SNTG1: variants seen among roughly 807,000 people sequenced by gnomAD.
SNTG1 encodes the protein gamma-1-syntrophin.
SNTG1 carries 39 observed loss-of-function variants against 74.7 expected under a neutral mutation model. That is an observed-to-expected ratio of 0.52 (90% CI 0.40 to 0.68). The LOEUF (loss-of-function observed/expected upper bound fraction) is 0.68, where lower values mean the gene tolerates loss of function less well. SNTG1 is among the 30% of genes least tolerant of loss of function. The pLI is 0.00. For synonymous variants in SNTG1, 254 were observed against 217.1 expected, an observed-to-expected ratio of 1.17 and a Z score of -1.49; for missense variants, 685 against 609.5, an observed-to-expected ratio of 1.12 and a Z score of -1.30.
upstream of SNTG1, among the ~76,000 whole-genome samples, chr8:49,910,463 A>G (rs1308949625): frequency 6.6e-6 from 1 of 152,158 alleles, no homozygotes; most frequent in Non-Finnish European, 1.5e-5. Context: ...TTTACTCCAC[A>G]TAGTTTCAAA....
intron 12 of SNTG1, among the ~76,000 whole-genome samples, chr8:50,557,208 T>A (rs1346500834): frequency 4.2e-5 from 5 of 119,590 alleles, no homozygotes; most frequent in African/African-American, 6.6e-5. Context: ...GGTTGGAGAG[T>A]AGGGGAGAAA....
intron 2 of SNTG1, among the ~76,000 whole-genome samples, chr8:50,305,963 T>C (rs1289512274): frequency 6.6e-6 from 1 of 151,876 alleles, no homozygotes; most frequent in Non-Finnish European, 1.5e-5. Flanking sequence ...GTTACATGGA[T>C]AAATTTTGTA....
At chr8:50,202,201 T>A (rs531697834) in intron 2 of SNTG1, among the ~76,000 whole-genome samples, 3 of 152,268 alleles carry the variant, frequency 2.0e-5, no homozygotes, top group East Asian at 1.9e-4. Context: ...CTCCTTTTTT[T>A]AAATTTGCAT....
intron 18 of SNTG1, among the ~76,000 whole-genome samples, chr8:50,773,498 A>G (rs186305521): frequency 2.0e-5 from 3 of 152,122 alleles, no homozygotes; most frequent in Non-Finnish European, 1.5e-5. Context: ...AAGTTGTAAG[A>G]CTTTGCTTCT....
At chr8:49,917,818 G>A (rs1481879792) in intron 1 of SNTG1, among the ~76,000 whole-genome samples, 4 of 152,122 alleles carry the variant, frequency 2.6e-5, no homozygotes, top group African/African-American at 7.2e-5. Flanking sequence ...CATGTAAGGA[G>A]GGAGGCTAGC....
intron 4 of SNTG1, among the ~76,000 whole-genome samples, chr8:50,427,580 C>A (rs1309695239): frequency 6.6e-6 from 1 of 152,084 alleles, no homozygotes; most frequent in Non-Finnish European, 1.5e-5. Context: ...TGCATACCAC[C>A]ATGCTTAGCT....
intron 2 of SNTG1, among the ~76,000 whole-genome samples, chr8:50,252,376 A>C (rs760523816): frequency 3.0e-4 from 46 of 152,166 alleles, no homozygotes; most frequent in Non-Finnish European, 5.9e-4. Flanking sequence ...TAAATAAACA[A>C]AATAGAGACT....
intron 1 of SNTG1, among the ~76,000 whole-genome samples, chr8:50,015,804 T>A (rs1050246156): frequency 1.3e-5 from 2 of 152,180 alleles, no homozygotes; most frequent in Non-Finnish European, 2.9e-5. Context: ...TGGAATTTGA[T>A]GAACTCTTGG....
intron 1 of SNTG1, among the ~76,000 whole-genome samples, chr8:49,967,546 A>C (rs1412450851): frequency 6.6e-6 from 1 of 151,742 alleles, no homozygotes; most frequent in Non-Finnish European, 1.5e-5. Flanking sequence ...TTATTAATTT[A>C]TTATAATATA....
intron 1 of SNTG1, among the ~76,000 whole-genome samples, chr8:50,038,563 C>A (rs749342013): frequency 5.3e-5 from 8 of 152,114 alleles, no homozygotes; most frequent in Non-Finnish European, 8.8e-5. Flanking sequence ...TGATTTAGAT[C>A]ATTTTTCTTT....
intron 4 of SNTG1, among the ~76,000 whole-genome samples, chr8:50,436,802 A>T (rs930596749): frequency 1.3e-5 from 2 of 152,196 alleles, no homozygotes; most frequent in African/African-American, 2.4e-5. Flanking sequence ...AGTTTATTTT[A>T]AATTATTAAT....
intron 13 of SNTG1, among the ~76,000 whole-genome samples, chr8:50,604,293 C>A (rs2130947434): frequency 6.6e-6 from 1 of 152,198 alleles, no homozygotes; most frequent in Admixed American, 6.5e-5. Flanking sequence ...TGGCACATGC[C>A]TGTAGTCCCA....
chr8:50,067,771 A>C (rs1440629620), intron 1 of SNTG1, among the ~76,000 whole-genome samples: 4 of 152,074 alleles, frequency 2.6e-5, no homozygotes, highest in African/African-American at 9.7e-5. Context: ...TTCCAGATTC[A>C]TGGATTGCTT....
At chr8:50,218,224 C>T (rs562079778) in intron 2 of SNTG1, among the ~76,000 whole-genome samples, 2 of 152,170 alleles carry the variant, frequency 1.3e-5, no homozygotes, top group Non-Finnish European at 2.9e-5. Context: ...GAGGAATGCA[C>T]TGAGCATAGG....
At chr8:50,763,648 TTGTGTGTGTGTG>T (rs141415804) in intron 18 of SNTG1, among the ~76,000 whole-genome samples, 22 of 117,140 alleles carry the variant, frequency 1.9e-4, no homozygotes, top group South Asian at 6.9e-4. Context: ...ATTGCCTTTA[TTGTGTGTGTGTG>T]TGTGTGTGTG....
intron 12 of SNTG1, among the ~76,000 whole-genome samples, chr8:50,588,471 T>C (rs2094668950): frequency 6.6e-6 from 1 of 152,140 alleles, no homozygotes; most frequent in African/African-American, 2.4e-5. Context: ...CAGTCAGTAG[T>C]TTGGTTAGTT....
chr8:50,038,805 G>C (rs1039225178), intron 1 of SNTG1, among the ~76,000 whole-genome samples: 3 of 152,080 alleles, frequency 2.0e-5, no homozygotes, highest in Non-Finnish European at 4.4e-5. Context: ...TCTTATAATA[G>C]TGAATGACAT....
chr8:50,576,090 T>C (rs1429715307), intron 12 of SNTG1, among the ~76,000 whole-genome samples: 1 of 152,220 alleles, frequency 6.6e-6, no homozygotes, highest in East Asian at 1.9e-4. Context: ...AGGATGCCAA[T>C]TGCATGCATC....
At chr8:50,432,477 G>T (rs1434985483) in intron 4 of SNTG1, among the ~76,000 whole-genome samples, 1 of 151,866 alleles carries the variant, frequency 6.6e-6, no homozygotes, top group Non-Finnish European at 1.5e-5. Context: ...TTCTTCTTCA[G>T]TATTGTACTG....
Sources: gnomAD v4.1 joint callset for allele counts (sites outside exome capture counted in the v4.1 genomes callset) on GRCh38, gnomAD v4.1.1 for gene constraint, MANE v1.5 for transcripts, NCBI Gene and HGNC (gene_info 2026-07-23, HGNC 2026-07-21) for gene names.